IFT20: variants seen among roughly 807,000 people sequenced by gnomAD.
The protein encoded by IFT20 is intraflagellar transport 20.
In IFT20, 4 loss-of-function variants were observed where a neutral mutation model predicts 16.9. The ratio of observed to expected loss-of-function variants is 0.24; its 90% CI spans 0.12 to 0.54. The LOEUF is 0.54. Ranked by LOEUF, IFT20 falls within the 20% of genes least tolerant of loss-of-function variation. The probability of loss-of-function intolerance (pLI) is 0.95; values close to 1 mark genes in which losing one functional copy is unlikely to be tolerated. For missense variants in IFT20, 154 were observed against 149.7 expected (o/e 1.03, Z -0.15); for synonymous variants, 48 against 49.9 (o/e 0.96, Z 0.16).
chr17:28,330,153 T>C (rs782462293), intron 3 of IFT20: 1 of 625,808 alleles, frequency 1.6e-6, no homozygotes, highest in Middle Eastern at 4.1e-4. Flanking sequence ...GGAGAATCGC[T>C]TGAATCTGAG....
chr17:28,334,094 C>G (rs1906969368), intron 1 of IFT20, among the ~76,000 whole-genome samples: 1 of 152,214 alleles, frequency 6.6e-6, no homozygotes. Context: ...AGTCCCTGCT[C>G]TGGGGACAGA....
At chr17:28,328,875 T>C (rs1210649097) in intron 4 of IFT20, 142 bp from the exon 5 acceptor site, 12 of 681,646 alleles carry the variant, frequency 1.8e-5, no homozygotes, top group African/African-American at 3.6e-5. Context: ...GGCAAAGCCC[T>C]ACCCAGAGCC....
In IFT20 at chr17:28,330,671, A is replaced by G; in HGVS notation, c.128-143T>C. ...GTTCGGTGTGGGCCAGGCGTGGTGG[A>G]GAGCAACTGTAGTCCCAGCTACTCA... On this transcript the variant is annotated intron_variant, in intron 2 of 4. Transcript: ENST00000395418. 4 of 631,514 alleles carry G rather than the reference A, an allele frequency of 6.3e-6. No homozygotes were observed. The East Asian group carries it at 1.1e-4, about 17-fold the overall frequency. The allele number at this position is 631,514 out of a possible 1,614,324, so 39.1% of individuals were successfully genotyped here. A position where few individuals can be genotyped will look rare whatever the true frequency, so the allele number is the denominator to read the frequency against.
chr17:28,334,154 C>T (rs1490791959), intron 1 of IFT20, among the ~76,000 whole-genome samples: 3 of 152,136 alleles, frequency 2.0e-5, no homozygotes, highest in Non-Finnish European at 4.4e-5. Flanking sequence ...AATCACAAAT[C>T]GTGATATTAC....
At chr17:28,330,146 G>A in intron 3 of IFT20, 1 of 622,550 alleles carries the variant, frequency 1.6e-6, no homozygotes, top group Admixed American at 2.8e-5. Context: ...TGAGGTGGGA[G>A]AATCGCTTGA....
chr17:28,330,986 C>T (rs1294855141), intron 2 of IFT20, among the ~76,000 whole-genome samples: 2 of 152,208 alleles, frequency 1.3e-5, no homozygotes, highest in African/African-American at 4.8e-5. Context: ...AGACCCCAAC[C>T]CTGCTTCCCC....
chr17:28,329,174 T>G lies in IFT20; in HGVS notation c.316A>C (p.Arg106=). 1 of 1,610,812 alleles carries G rather than the reference T, an allele frequency of 6.2e-7. No homozygotes were observed. Among genetic ancestry groups the G allele is most frequent in the Non-Finnish European group, 8.5e-7 (1 of 1,177,110 alleles). The stretch of plus-strand genomic sequence containing the variant: ...TTGCTTTACATCATGACTTCTTACC[T>G]TTCTAGCTGCATTTTCTTTTCTGCT... ...LIAEKKMQLE[R]YRVEYEALCK... is the part of the protein sequence containing the mutation. The change falls in exon 4 of 5, where the codon AGG becomes CGG. Residue 106 remains arginine (R), a splice_region_variant and synonymous_variant. Coordinates refer to ENST00000395418, the MANE Select transcript of IFT20 (RefSeq NM_001267776.2).
In IFT20 at chr17:28,335,389, G is replaced by C. The variant is rs940439643; in HGVS notation, c.-52C>G. ...GCTGCAGCCCAGGCTGATGTAGACA[G>C]GCAGCTTCTCCTGGGTCAGCGACAG... On this transcript the variant is annotated 5_prime_UTR_variant, in exon 1 of 5. Transcript: ENST00000395418. 2.0e-5 allele frequency: 3 copies of C among 152,324 alleles called. No homozygotes were observed. The highest frequency in any genetic ancestry group is 4.4e-5 in the Non-Finnish European group (3 of 68,136). 9.4% of individuals were successfully genotyped at this position (152,324 alleles called of 1,614,324 possible). A position where few individuals can be genotyped will look rare whatever the true frequency, so the allele number is the denominator to read the frequency against.
chr17:28,330,604 A>G (rs1906711356), intron 2 of IFT20, 76 bp from the exon 3 acceptor site: 1 of 991,628 alleles, frequency 1.0e-6, no homozygotes, highest in East Asian at 2.4e-5. Context: ...TAAGGCAGTG[A>G]GAGGGCAGAG....
intron 3 of IFT20, 34 bp downstream of exon 3, chr17:28,330,409 G>A (rs1555576352): frequency 2.0e-6 from 3 of 1,495,376 alleles, no homozygotes; most frequent in Non-Finnish European, 2.8e-6. Flanking sequence ...AGGGTCCCAG[G>A]CCAAGATGTA....
intron 2 of IFT20, 75 bp from the exon 3 acceptor site, chr17:28,330,603 G>C: frequency 1.0e-6 from 1 of 990,300 alleles, no homozygotes; most frequent in South Asian, 1.3e-5. Context: ...CTAAGGCAGT[G>C]AGAGGGCAGA....
intron 4 of IFT20, 49 bp downstream of exon 4, chr17:28,329,124 G>A (rs781826949): frequency 8.0e-7 from 1 of 1,254,848 alleles, no homozygotes; most frequent in Non-Finnish European, 1.2e-6. Flanking sequence ...AGAAGGAAGA[G>A]TGGAAATTCA....
intron 1 of IFT20, among the ~76,000 whole-genome samples, chr17:28,335,068 C>G (rs1323359508): frequency 6.6e-6 from 1 of 152,180 alleles, no homozygotes; most frequent in Admixed American, 6.5e-5. Flanking sequence ...TTCTGCGCCC[C>G]GGCTCTCCCA....
chr17:28,333,072 AACACACACACACAC>A (rs56753724), intron 1 of IFT20, among the ~76,000 whole-genome samples: 19 of 144,580 alleles, frequency 1.3e-4, no homozygotes, highest in East Asian at 2.1e-4. Context: ...TCTGGCTCAA[AACACACACACACAC>A]ACACACACAC....
chr17:28,330,091 C>A, intron 3 of IFT20: 1 of 561,628 alleles, frequency 1.8e-6, no homozygotes, highest in Non-Finnish European at 3.1e-6. Flanking sequence ...AAAACCTCAG[C>A]TGGGTGTGGT....
At chr17:28,330,229 CTG>C in intron 3 of IFT20, 1 of 556,108 alleles carries the variant, frequency 1.8e-6, no homozygotes, top group Non-Finnish European at 3.1e-6. Context: ...CAGCAAGACT[CTG>C]TCTCAAAAAA....
rs782696986 is a variant in IFT20 at position 28,331,871 on chromosome 17, C to T, written c.115G>A (p.Asp39Asn). ...CCCCAATACTCACTGTCCACAAAGT[C>T]TTTGCACTCTTCCTTCAGCTCTATG... Reference protein sequence around the residue: ...QTIELKEECKDFVDKIGQFQK... With the variant: ...QTIELKEECKNFVDKIGQFQK... The change falls in exon 2 of 5, where the codon GAC becomes AAC. Residue 39 changes from aspartate to asparagine, a missense_variant. Coordinates refer to ENST00000395418, the MANE Select transcript of IFT20 (RefSeq NM_001267776.2). The T allele has an allele frequency of 6.8e-6, 11 of 1,614,240 alleles. No individual in the cohort carries two copies. In the South Asian group the frequency reaches 1.1e-4, roughly 16 times the overall value.
intron 1 of IFT20, chr17:28,332,196 G>T: frequency 1.3e-6 from 2 of 1,537,014 alleles, no homozygotes; most frequent in Non-Finnish European, 1.7e-6. Context: ...AGGAGTGACA[G>T]TGGCAGTCAG....
chr17:28,329,357 G>C, intron 3 of IFT20, 81 bp from the exon 4 acceptor site: 4 of 1,086,676 alleles, frequency 3.7e-6, no homozygotes, highest in Non-Finnish European at 5.5e-6. Context: ...GGGGTTATCT[G>C]GGAGCTGTGT....
Sources: allele counts gnomAD v4.1 joint callset (sites outside exome capture counted in the v4.1 genomes callset), GRCh38; gene constraint gnomAD v4.1.1; transcripts MANE v1.5; gene names NCBI Gene and HGNC (gene_info 2026-07-23, HGNC 2026-07-21).